Variants in SGSM1 observed in about 807,000 individuals in gnomAD.
The protein encoded by SGSM1 is RUN and TBC1 domain containing 2.
Under a neutral mutation model 133.8 loss-of-function variants are expected in SGSM1, and 73 were observed. The ratio of observed to expected loss-of-function variants is 0.55; its 90% confidence interval spans 0.45 to 0.66. SGSM1 has a LOEUF of 0.66. Among genes scored for constraint, SGSM1 ranks in the 30% least tolerant of loss-of-function variants. The pLI, the probability that SGSM1 is intolerant of heterozygous loss-of-function variation, is 0.00. For missense variants in SGSM1, 1,213 were observed against 1,448.1 expected, an observed-to-expected ratio of 0.84 and a Z score of 2.64; for synonymous variants, 563 against 573.0, an observed-to-expected ratio of 0.98 and a Z score of 0.25.
At chr22:24,887,107 T>TTGTGTGTGTGTGTGTGTG (rs60431385) in intron 16 of SGSM1, among the ~76,000 whole-genome samples, 2,390 of 145,250 alleles carry the variant, frequency 0.016, 47 homozygotes, top group East Asian at 0.057. Flanking sequence ...TTGTACTTAT[T>TTGTGTGTGTGTGTGTGTG]TGTGTGTGTG....
chr22:24,909,073 G>A (rs1933521663), intron 21 of SGSM1, among the ~76,000 whole-genome samples: 1 of 152,114 alleles, frequency 6.6e-6, no homozygotes, highest in African/African-American at 2.4e-5. Flanking sequence ...ATTCTCATAG[G>A]AGCGTGAACC....
chr22:24,846,798 A>G (rs1357361056), intron 3 of SGSM1, among the ~76,000 whole-genome samples: 1 of 151,980 alleles, frequency 6.6e-6, no homozygotes, highest in Non-Finnish European at 1.5e-5. Context: ...TTTTAAATCT[A>G]TGGGCAGATT....
intron 19 of SGSM1, among the ~76,000 whole-genome samples, chr22:24,898,812 A>G (rs943358500): frequency 5.9e-5 from 9 of 152,008 alleles, no homozygotes; most frequent in African/African-American, 1.9e-4. Flanking sequence ...TGGATCACGA[A>G]GTCAGAAGAT....
At chr22:24,878,110 C>G (rs1932123779) in intron 13 of SGSM1, among the ~76,000 whole-genome samples, 1 of 152,138 alleles carries the variant, frequency 6.6e-6, no homozygotes, top group Admixed American at 6.6e-5. Context: ...CGCGCCCCGC[C>G]TGGAGATTCT....
Position 24,806,457 on chromosome 22 carries a change from G to A in SGSM1, c.36G>A (p.Gln12=), listed in dbSNP as rs1378807177. 5 of 1,524,474 alleles carry A rather than the reference G, an allele frequency of 3.3e-6. No homozygotes were observed. In the African/African-American group the frequency reaches 4.3e-5, roughly 13 times the overall value. The allele number at this position is 1,524,474 out of a possible 1,614,324, so 94.4% of individuals were successfully genotyped here. ...GTCCCACAGAGGCGGAGACCCGACA[G>A]AGGCTGCTACGCACCGTCAAGAAGG... ...ASAPAEAETR[Q]RLLRTVKKEV... is the part of the protein sequence containing the mutation. The change falls in exon 2 of 25, where the codon CAG becomes CAA. Residue 12 remains glutamine, a synonymous_variant. Coordinates refer to ENST00000400358, the MANE Select transcript of SGSM1 (RefSeq NM_001098497.3).
rs371170191 is a variant in SGSM1, at chr22:24,925,575, A to G, written c.*1301A>G. ...TTTGGGGTCCTGCTCAGAGTCCCCC[A>G]GGCAGGGCAGAGTCTGTATCCTGCT... is the stretch of plus-strand genomic sequence containing the variant. On this transcript the variant is annotated 3_prime_UTR_variant, in exon 25 of 25. Coordinates refer to ENST00000400358, the MANE Select transcript of SGSM1 (RefSeq NM_001098497.3). 2 of 152,170 alleles carry G rather than the reference A, an allele frequency of 1.3e-5. No individual in the cohort carries two copies. Among genetic ancestry groups the G allele is most frequent in the South Asian group, 2.1e-4 (1 of 4,816 alleles). The allele number at this position is 152,170 out of a possible 1,614,324, so 9.4% of individuals were successfully genotyped here.
intron 19 of SGSM1, among the ~76,000 whole-genome samples, chr22:24,900,980 C>T (rs1933139866): frequency 6.6e-6 from 1 of 152,336 alleles, no homozygotes; most frequent in African/African-American, 2.4e-5. Flanking sequence ...TATGAGATGA[C>T]AACTACATTC....
At chr22:24,874,216 G>T (rs1931905635) in intron 12 of SGSM1, among the ~76,000 whole-genome samples, 1 of 152,174 alleles carries the variant, frequency 6.6e-6, no homozygotes. Context: ...AAACTTCCTA[G>T]CCTGACACTC....
chr22:24,816,078 G>A (rs1264320986), intron 2 of SGSM1, among the ~76,000 whole-genome samples: 1 of 152,152 alleles, frequency 6.6e-6, no homozygotes, highest in Non-Finnish European at 1.5e-5. Flanking sequence ...TTATTATTTG[G>A]TAAATTATGC....
chr22:24,806,473 G>A lies in SGSM1; in HGVS notation c.52G>A (p.Val18Ile). ...GACCCGACAGAGGCTGCTACGCACC[G>A]TCAAGAAGGAGGTGGGTGCCGGGGT... The part of the protein sequence containing the change: ...AETRQRLLRT[V>I]KKEVKQIMEE... Residue 18 changes from valine (V) to isoleucine (I), a missense_variant, in exon 2 of 25, where the codon GTC (valine) becomes ATC (isoleucine). Val to Ile is a conservative substitution (Grantham distance 29). Coordinates refer to ENST00000400358, the MANE Select transcript of SGSM1 (RefSeq NM_001098497.3). 6.6e-7 allele frequency: 1 copy of A among 1,516,426 alleles called. No homozygotes were observed. Among genetic ancestry groups the A allele is most frequent in the Non-Finnish European group, 8.8e-7 (1 of 1,132,720 alleles). 93.9% of individuals were successfully genotyped at this position (1,516,426 alleles called of 1,614,324 possible). A position where few individuals can be genotyped will look rare whatever the true frequency, so the allele number is the denominator to read the frequency against.
intron 18 of SGSM1, among the ~76,000 whole-genome samples, chr22:24,895,938 G>A (rs1932904263): frequency 6.6e-6 from 1 of 152,020 alleles, no homozygotes; most frequent in South Asian, 2.1e-4. Flanking sequence ...AGTCCCAGCT[G>A]CTCCGGAGGC....
chr22:24,926,786 G>A lies in SGSM1; in HGVS notation c.*2512G>A, dbSNP rs894930112. 9 of 151,806 alleles carry A rather than the reference G, an allele frequency of 5.9e-5. No homozygotes were observed. Among genetic ancestry groups the A allele is most frequent in the African/African-American group, 9.7e-5 (4 of 41,304 alleles). The allele number at this position is 151,806 out of a possible 1,614,324, so 9.4% of individuals were successfully genotyped here. A position where few individuals can be genotyped will look rare whatever the true frequency, so the allele number is the denominator to read the frequency against. On this transcript the variant is annotated 3_prime_UTR_variant, in exon 25 of 25. Transcript: ENST00000400358. Reference sequence around the variant, plus strand: ...AGTGTGGCCCACATATCTTGTAAATGTTTGCTGAAGAGTTGTGTCTATATA... The same window carrying A: ...AGTGTGGCCCACATATCTTGTAAATATTTGCTGAAGAGTTGTGTCTATATA...
rs1484981040 is a variant in SGSM1, at chr22:24,898,226, G to A, written c.2277G>A (p.Arg759=). ...CTAGGGATGGCAGCGTGGATGACAG[G>A]CAGAGCAGCGAGGCCACCACATCTC... ...LRPRDGSVDD[R]QSSEATTSQD... Residue 759 remains arginine (R), a synonymous_variant, in exon 19 of 25, where the codon AGG becomes AGA. Coordinates refer to ENST00000400358, the MANE Select transcript of SGSM1 (RefSeq NM_001098497.3). 3 of 1,613,430 alleles carry A rather than the reference G, an allele frequency of 1.9e-6. No homozygotes were observed. In the African/African-American group the frequency reaches 4.0e-5, roughly 22 times the overall value.
intron 2 of SGSM1, among the ~76,000 whole-genome samples, chr22:24,817,447 G>A (rs960318731): frequency 1.3e-5 from 2 of 151,950 alleles, no homozygotes; most frequent in African/African-American, 4.8e-5. Flanking sequence ...CCGCCTCCTG[G>A]GTTCAAGCGA....
intron 19 of SGSM1, among the ~76,000 whole-genome samples, chr22:24,900,413 T>TTCTTTCTTTCTTTCTCTTTCTTTCTTTC (rs1555935573): frequency 7.0e-6 from 1 of 141,850 alleles, no homozygotes; most frequent in Admixed American, 6.9e-5. Context: ...CTTTCTGTAT[T>TTCTTTCTTTCTTTCTCTTTCTTTCTTTC]TTTGAGACAG....
intron 20 of SGSM1, among the ~76,000 whole-genome samples, chr22:24,902,694 GTAATAAAAA>G (rs139625097): frequency 0.015 from 2,263 of 151,660 alleles, 63 homozygotes; most frequent in African/African-American, 0.052. Flanking sequence ...CTCTTAAAAA[GTAATAAAAA>G]TAATAAAAAT....
At chr22:24,864,374 A>G (rs1276867786) in intron 9 of SGSM1, among the ~76,000 whole-genome samples, 1 of 152,246 alleles carries the variant, frequency 6.6e-6, no homozygotes, top group Admixed American at 6.5e-5. Context: ...AAATGCTTAT[A>G]ACAGCATTAT....
At chr22:24,895,322 C>T (rs753275533) in intron 18 of SGSM1, 31 bp downstream of exon 18, 4 of 1,597,290 alleles carry the variant, frequency 2.5e-6, no homozygotes, top group Non-Finnish European at 3.4e-6. Flanking sequence ...CCCCCTCCCA[C>T]CCACTCCTCT....
At chr22:24,914,207 G>A (rs1933733838) in intron 22 of SGSM1, among the ~76,000 whole-genome samples, 2 of 151,036 alleles carry the variant, frequency 1.3e-5, no homozygotes, top group African/African-American at 4.9e-5. Context: ...GCAGGAGAAT[G>A]GTGTGAACCC....
Sources: allele counts gnomAD v4.1 joint callset (sites outside exome capture counted in the v4.1 genomes callset), GRCh38; gene constraint gnomAD v4.1.1; transcripts MANE v1.5; gene names NCBI Gene and HGNC (gene_info 2026-07-23, HGNC 2026-07-21).